The following TMEM120B variants were observed in gnomAD, a reference collection of about 807,000 sequenced individuals.
TMEM120B encodes the protein transmembrane protein 120B.
In TMEM120B, 31 loss-of-function variants were observed where a neutral mutation model predicts 55.5. That is an observed-to-expected ratio of 0.56 (90% CI 0.42 to 0.75). TMEM120B has a LOEUF of 0.75. Among genes scored for constraint, TMEM120B ranks in the 30% least tolerant of loss-of-function variants. The pLI, the probability that TMEM120B is intolerant of heterozygous loss-of-function variation, is 0.00. For synonymous variants in TMEM120B, 203 were observed against 176.3 expected (o/e 1.15, Z -1.20); for missense variants, 399 against 425.5 (o/e 0.94, Z 0.55).
rs375633419 is a variant in TMEM120B, at chr12:121,781,215, G to A, written c.*5493G>A. 1.4e-5 allele frequency: 23 copies of A among 1,602,716 alleles called. No individual in the cohort carries two copies. The highest frequency in any genetic ancestry group is 2.0e-5 in the Non-Finnish European group (23 of 1,170,084). ...GCCCTGAAAGCACAGAGCAGCGGGG[G>A]TCAGGGGACGTCCCCTCCCTGTCTG... On this transcript the variant is annotated 3_prime_UTR_variant, in exon 12 of 12. Transcript: ENST00000449592.
intron 2 of TMEM120B, among the ~76,000 whole-genome samples, chr12:121,744,889 C>G (rs1429312104): frequency 1.3e-5 from 2 of 152,216 alleles, no homozygotes; most frequent in Non-Finnish European, 2.9e-5. Flanking sequence ...GTGGATGGCC[C>G]TGTGCAAACA....
Position 121,745,916 on chromosome 12 carries a change from C to T in TMEM120B, c.188+2169C>T, listed in dbSNP as rs139906377. ...TTGCTCTGTCACCCAGGCTGGAATG[C>T]AGTGGTGCTATCTTGGCTCACTGAA... On this transcript the variant is annotated intron_variant, in intron 2 of 11. Coordinates refer to ENST00000449592, the MANE Select transcript of TMEM120B (RefSeq NM_001080825.2). Among the ~76,000 whole-genome samples the T allele has an allele frequency of 3.7e-3, 567 of 152,170 alleles. 8 individuals are homozygous for T. The highest frequency in any genetic ancestry group is 0.03 in the East Asian group (154 of 5,150).
At chr12:121,749,216 G>T (rs1873200266) in intron 3 of TMEM120B, among the ~76,000 whole-genome samples, 1 of 152,176 alleles carries the variant, frequency 6.6e-6, no homozygotes, top group Non-Finnish European at 1.5e-5. Context: ...TTTTGACTGT[G>T]TTCGAATAGA....
chr12:121,775,682 C>T lies in TMEM120B; in HGVS notation c.980C>T (p.Ala327Val). ...NFLTTLKVVHAKLQKNRGKTK... is the reference protein window; with the variant it reads ...NFLTTLKVVHVKLQKNRGKTK... Reference sequence around the variant, plus strand: ...CTGACCACGCTCAAAGTCGTGCATGCCAAGCTCCAGAAGAACAGAGGCAAG... The same window carrying T: ...CTGACCACGCTCAAAGTCGTGCATGTCAAGCTCCAGAAGAACAGAGGCAAG... The change falls in exon 12 of 12, where the codon GCC becomes GTC. Residue 327 changes from alanine to valine, a missense_variant. Around this residue, in one of 3 missense-constraint regions of TMEM120B, gnomAD observed 260 missense variants for 303.9 expected, o/e 0.86. Transcript: ENST00000449592. The surrounding 1 kb of genome is among the most constrained non-coding windows in gnomAD (Gnocchi z 4.3). 1 of 1,614,078 alleles carries T rather than the reference C, an allele frequency of 6.2e-7. No individual in the cohort carries two copies. Among genetic ancestry groups the T allele is most frequent in the Non-Finnish European group, 8.5e-7 (1 of 1,179,980 alleles).
At chr12:121,724,679 C>T (rs768436946) in intron 1 of TMEM120B, among the ~76,000 whole-genome samples, 8 of 151,090 alleles carry the variant, frequency 5.3e-5, no homozygotes, top group African/African-American at 1.5e-4. Context: ...CGCGCAATCT[C>T]GACTCATTGC....
At chr12:121,719,142 A>G (rs545516371) in intron 1 of TMEM120B, among the ~76,000 whole-genome samples, 15 of 152,232 alleles carry the variant, frequency 9.9e-5, no homozygotes, top group African/African-American at 3.6e-4. Flanking sequence ...ACGGTCACAT[A>G]TCTGCTCCTG....
chr12:121,770,966 T>A lies in TMEM120B; in HGVS notation c.611T>A (p.Leu204Gln). 1.2e-6 allele frequency: 2 copies of A among 1,613,944 alleles called. No homozygotes were observed. Among genetic ancestry groups the A allele is most frequent in the Non-Finnish European group, 1.7e-6 (2 of 1,179,932 alleles). ...TCCACATTCCTGTCCGGAGTGATGC[T>A]GACCTGGTGAGTAGCCCCTCGCTGG... ...YVSTFLSGVMLTWPNGPIYQK... is the reference protein window; with the variant it reads ...YVSTFLSGVMQTWPNGPIYQK... Residue 204 changes from leucine to glutamine, a missense_variant, in exon 7 of 12, where the codon CTG (leucine) becomes CAG (glutamine). By Grantham distance (113) the Leu-to-Gln change is moderately radical. Around this residue, in one of 3 missense-constraint regions of TMEM120B, gnomAD observed 260 missense variants for 303.9 expected, o/e 0.86. Transcript: ENST00000449592.
chr12:121,742,634 G>A (rs186395077), intron 1 of TMEM120B, among the ~76,000 whole-genome samples: 2 of 152,198 alleles, frequency 1.3e-5, no homozygotes, highest in African/African-American at 4.8e-5. Context: ...CGCCCAGGCT[G>A]GAGTGAAGTG....
At chr12:121,757,138 G>A (rs531476305) in intron 5 of TMEM120B, among the ~76,000 whole-genome samples, 1 of 79,896 alleles carries the variant, frequency 1.3e-5, no homozygotes, top group East Asian at 4.5e-4. Context: ...CTCCCTGGGC[G>A]GTGGGGGGGG....
intron 1 of TMEM120B, among the ~76,000 whole-genome samples, chr12:121,718,928 T>C (rs1490966077): frequency 6.6e-6 from 1 of 152,204 alleles, no homozygotes; most frequent in Non-Finnish European, 1.5e-5. Flanking sequence ...AGCATTATTC[T>C]CAGGCAGTCC....
intron 6 of TMEM120B, among the ~76,000 whole-genome samples, 154 bp downstream of exon 6, chr12:121,761,892 A>T (rs984459630): frequency 5.3e-5 from 8 of 152,172 alleles, no homozygotes; most frequent in Non-Finnish European, 8.8e-5. Context: ...AGGAAAGCTG[A>T]TGCTGTTGAT....
chr12:121,749,089 GCCT>G (rs1407491264), intron 3 of TMEM120B, among the ~76,000 whole-genome samples: 2 of 152,132 alleles, frequency 1.3e-5, no homozygotes, highest in African/African-American at 4.8e-5. Context: ...TTCCGGATCA[GCCT>G]CGCGCTGAGT....
intron 1 of TMEM120B, among the ~76,000 whole-genome samples, chr12:121,730,415 G>A (rs1894977292): frequency 6.6e-6 from 1 of 151,184 alleles, no homozygotes. Flanking sequence ...AGGAGGCAGA[G>A]GCGGGCAGAT....
intron 1 of TMEM120B, among the ~76,000 whole-genome samples, chr12:121,740,926 G>A (rs996590912): frequency 6.6e-6 from 1 of 152,102 alleles, no homozygotes; most frequent in African/African-American, 2.4e-5. Context: ...GGGCCATATG[G>A]TCTCTGTCAC....
At chr12:121,762,477 G>T (rs1299959664) in intron 6 of TMEM120B, among the ~76,000 whole-genome samples, 1 of 152,150 alleles carries the variant, frequency 6.6e-6, no homozygotes. Flanking sequence ...TCACTGGGTC[G>T]CACTGGCTAT....
At chr12:121,762,777 G>C (rs373566620) in intron 6 of TMEM120B, among the ~76,000 whole-genome samples, 1 of 152,206 alleles carries the variant, frequency 6.6e-6, no homozygotes, top group Admixed American at 6.5e-5. Context: ...TGCCCCACCA[G>C]AGAGATGATG....
At chr12:121,751,767 A>G (rs1301634412) in intron 4 of TMEM120B, among the ~76,000 whole-genome samples, 1 of 151,620 alleles carries the variant, frequency 6.6e-6, no homozygotes, top group Non-Finnish European at 1.5e-5. Flanking sequence ...ACATAGGGAG[A>G]TGGGCAGTCC....
chr12:121,781,055 G>A lies in TMEM120B; in HGVS notation c.*5333G>A. Reference sequence around the variant, plus strand: ...AGGGGTGCGGCCGGGCCCAGATGTGGGGCCACCACCCAGGAGGCCGGCCTC... The same window carrying A: ...AGGGGTGCGGCCGGGCCCAGATGTGAGGCCACCACCCAGGAGGCCGGCCTC... On this transcript the variant is annotated 3_prime_UTR_variant, in exon 12 of 12. Coordinates refer to ENST00000449592, the MANE Select transcript of TMEM120B (RefSeq NM_001080825.2). 6.2e-7 allele frequency: 1 copy of A among 1,613,976 alleles called. No homozygotes were observed. Among genetic ancestry groups the A allele is most frequent in the Non-Finnish European group, 8.5e-7 (1 of 1,179,872 alleles).
At chr12:121,744,428 G>C (rs539756741) in intron 2 of TMEM120B, among the ~76,000 whole-genome samples, 1 of 152,230 alleles carries the variant, frequency 6.6e-6, no homozygotes, top group Non-Finnish European at 1.5e-5. Flanking sequence ...CCGGGTGAAA[G>C]TTGGGTGCTG....
Sources: gnomAD v4.1 joint callset for allele counts (sites outside exome capture counted in the v4.1 genomes callset) on GRCh38, gnomAD v4.1.1 for gene constraint, gnomAD v4.1.1 regional missense constraint, Gnocchi (gnomAD v3.1) non-coding constraint, MANE v1.5 for transcripts, NCBI Gene and HGNC (gene_info 2026-07-23, HGNC 2026-07-21) for gene names.